Variants in ADGRB3 observed in about 807,000 individuals in gnomAD.
ADGRB3 encodes the protein adhesion G protein-coupled receptor B3, also known as brain-specific angiogenesis inhibitor 3.
ADGRB3 carries 37 observed loss-of-function variants against 193.4 expected under a neutral mutation model. That is an observed-to-expected ratio of 0.19 (90% CI 0.15 to 0.25). The LOEUF (loss-of-function observed/expected upper bound fraction) is 0.25. Among genes scored for constraint, ADGRB3 ranks in the 10% least tolerant of loss-of-function variants. ADGRB3 has a pLI of 1.00. For synonymous variants in ADGRB3, 690 were observed against 644.2 expected, an observed-to-expected ratio of 1.07 and a Z score of -1.08; for missense variants, 1,637 against 1,852.9, an observed-to-expected ratio of 0.88 and a Z score of 2.14.
At chr6:68,668,191 G>A (rs1768847755) in intron 3 of ADGRB3, among the ~76,000 whole-genome samples, 1 of 151,944 alleles carries the variant, frequency 6.6e-6, no homozygotes, top group South Asian at 2.1e-4. Context: ...CTTTTCATAA[G>A]CATCAATAGT....
In ADGRB3 at chr6:68,650,467, G is replaced by A. The variant is rs546119870; in HGVS notation, c.757+11035G>A. On this transcript the variant is annotated intron_variant, in intron 3 of 31. Transcript: ENST00000370598. ...ATTTGCACTGCCCTAGATGTTCAAA[G>A]AAATTTGTGTGAGCTGACAAAAACA... 1.6e-4 allele frequency among the ~76,000 whole-genome samples: 24 copies of A among 152,014 alleles called. No homozygotes were observed. In the South Asian group the frequency reaches 5.0e-3, roughly 32 times the overall value.
At chr6:69,363,117 G>GAC (rs1295523559) in intron 29 of ADGRB3, among the ~76,000 whole-genome samples, 2 of 151,862 alleles carry the variant, frequency 1.3e-5, no homozygotes, top group Middle Eastern at 3.2e-3. Context: ...TTGAACAATA[G>GAC]ACTGTATTTC....
intron 17 of ADGRB3, among the ~76,000 whole-genome samples, chr6:69,210,610 C>T (rs1045936639): frequency 6.6e-6 from 1 of 152,120 alleles, no homozygotes; most frequent in African/African-American, 2.4e-5. Context: ...TCTAAAACTC[C>T]TAGGCTCAAG....
chr6:68,871,829 CAAATT>C (rs1165343317), intron 3 of ADGRB3, among the ~76,000 whole-genome samples: 3 of 152,034 alleles, frequency 2.0e-5, no homozygotes, highest in Non-Finnish European at 4.4e-5. Context: ...ATCCTCTAAT[CAAATT>C]AAATGTTTTA....
intron 3 of ADGRB3, among the ~76,000 whole-genome samples, chr6:68,807,215 C>CTTTTTCT (rs1190718299): frequency 2.3e-5 from 3 of 132,416 alleles, no homozygotes; most frequent in South Asian, 5.1e-4. Flanking sequence ...GTTAATTTTT[C>CTTTTTCT]TTTTTCTTTT....
At chr6:69,039,545 A>C (rs1000698820) in intron 13 of ADGRB3, among the ~76,000 whole-genome samples, 9 of 152,250 alleles carry the variant, frequency 5.9e-5, no homozygotes, top group Non-Finnish European at 1.0e-4. Flanking sequence ...CCATTGTAGC[A>C]TGAAAGTAGA....
At chr6:69,034,238 CT>C (rs1226226274) in intron 13 of ADGRB3, among the ~76,000 whole-genome samples, 1 of 151,774 alleles carries the variant, frequency 6.6e-6, no homozygotes, top group African/African-American at 2.4e-5. Flanking sequence ...ACATAGTCAC[CT>C]TTTGCTTTTT....
At chr6:68,705,689 G>C (rs1197500366) in intron 3 of ADGRB3, among the ~76,000 whole-genome samples, 1 of 152,164 alleles carries the variant, frequency 6.6e-6, no homozygotes, top group African/African-American at 2.4e-5. Flanking sequence ...AACATTCAGG[G>C]ACTAGCGCTG....
intron 3 of ADGRB3, among the ~76,000 whole-genome samples, chr6:68,751,759 A>G (rs541331848): frequency 2.0e-5 from 3 of 152,288 alleles, no homozygotes; most frequent in East Asian, 3.9e-4. Flanking sequence ...TGCTAAAAAA[A>G]TCCTGTTTCA....
At chr6:69,355,974 G>A in intron 28 of ADGRB3, 114 bp downstream of exon 28, 1 of 859,004 alleles carries the variant, frequency 1.2e-6, no homozygotes, top group Non-Finnish European at 1.8e-6. Context: ...TCTGTGAAAG[G>A]GCTGTATATG....
At chr6:68,934,603 A>T (rs1432499515) in intron 4 of ADGRB3, among the ~76,000 whole-genome samples, 1 of 152,168 alleles carries the variant, frequency 6.6e-6, no homozygotes, top group African/African-American at 2.4e-5. Flanking sequence ...CAACCATAAT[A>T]TTTATACCTC....
At chr6:68,849,674 C>T (rs1204091871) in intron 3 of ADGRB3, among the ~76,000 whole-genome samples, 1 of 151,936 alleles carries the variant, frequency 6.6e-6, no homozygotes, top group East Asian at 1.9e-4. Flanking sequence ...GACACTATCT[C>T]ACCCAAGTCT....
chr6:68,753,418 C>G (rs994504726), intron 3 of ADGRB3, among the ~76,000 whole-genome samples: 7 of 152,152 alleles, frequency 4.6e-5, no homozygotes, highest in Non-Finnish European at 1.0e-4. Flanking sequence ...ATCAGATTGA[C>G]AAGGGAGGCA....
Position 68,956,636 on chromosome 6 carries a change from T to C in ADGRB3, c.1361-9T>C. Reference sequence around the variant, plus strand: ...ATGACTGACATTGACCATGAAACATTTCTTTCAGCCAATGGTCAATGGAAT... The same window carrying C: ...ATGACTGACATTGACCATGAAACATCTCTTTCAGCCAATGGTCAATGGAAT... On this transcript the variant is annotated splice_polypyrimidine_tract_variant and intron_variant, in intron 7 of 31. Coordinates refer to ENST00000370598, the MANE Select transcript of ADGRB3 (RefSeq NM_001704.3). 6.2e-7 allele frequency: 1 copy of C among 1,613,716 alleles called. No individual in the cohort carries two copies. Among genetic ancestry groups the C allele is most frequent in the East Asian group, 2.2e-5 (1 of 44,844 alleles).
Position 69,339,453 on chromosome 6 carries a change from T to C in ADGRB3, c.3408T>C (p.Asp1136=). The C allele has an allele frequency of 1.9e-6, 3 of 1,614,024 alleles. No homozygotes were observed. The highest frequency in any genetic ancestry group is 2.5e-6 in the Non-Finnish European group (3 of 1,179,896). The part of the protein sequence containing the change: ...ILFQILFAVF[D]SLQGFVIVMV... Reference sequence around the variant, plus strand: ...TTCAAATACTTTTTGCTGTGTTTGATTCATTGCAAGGCTTTGTTATAGTCA... The same window carrying C: ...TTCAAATACTTTTTGCTGTGTTTGACTCATTGCAAGGCTTTGTTATAGTCA... Residue 1136 remains aspartate (D), a synonymous_variant, in exon 26 of 32, where the codon GAT becomes GAC. Transcript: ENST00000370598.
chr6:68,975,304 A>T lies in ADGRB3; in HGVS notation c.1698A>T (p.Arg566Ser), dbSNP rs1351262886. The change falls in exon 10 of 32, where the codon AGA becomes AGT. Residue 566 changes from arginine (R) to serine (S), a missense_variant. This residue lies in a region of ADGRB3 where 641 missense variants were observed against 673.9 expected (regional missense o/e 0.95). Transcript: ENST00000370598. ...TCTGGGAACAGCCGAGCTTTGCAAG[A>T]TGCATATCAAATGAGTACAGACACT... ...VAFWEQPSFA[R>S]CISNEYRHLQ... 1 of 1,614,078 alleles carries T rather than the reference A, an allele frequency of 6.2e-7. No individual in the cohort carries two copies. Among genetic ancestry groups the T allele is most frequent in the Non-Finnish European group, 8.5e-7 (1 of 1,179,946 alleles).
At chr6:68,784,340 A>G (rs1252959756) in intron 3 of ADGRB3, among the ~76,000 whole-genome samples, 2 of 152,124 alleles carry the variant, frequency 1.3e-5, no homozygotes, top group Non-Finnish European at 1.5e-5. Flanking sequence ...AAGCGATACC[A>G]GTGTTACTTT....
rs902034695 is a variant in ADGRB3 at position 69,205,520 on chromosome 6, C to A, written c.2481-27770C>A. Among the ~76,000 whole-genome samples the A allele has an allele frequency of 1.1e-4, 17 of 151,834 alleles. 1 individual carries two copies. Among genetic ancestry groups the A allele is most frequent in the Non-Finnish European group, 4.4e-5 (3 of 68,014 alleles). ...TATACCTACATCAGAATACCACAGA[C>A]TGGGTGATTTATAAATAAAAGATGT... On this transcript the variant is annotated intron_variant, in intron 17 of 31. Coordinates refer to ENST00000370598, the MANE Select transcript of ADGRB3 (RefSeq NM_001704.3).
chr6:68,664,844 G>A (rs1768759757), intron 3 of ADGRB3, among the ~76,000 whole-genome samples: 1 of 151,854 alleles, frequency 6.6e-6, no homozygotes, highest in South Asian at 2.1e-4. Flanking sequence ...GGAGGGTGAA[G>A]GGGGCTTTTG....
Sources: gnomAD v4.1 joint callset for allele counts (sites outside exome capture counted in the v4.1 genomes callset) on GRCh38, gnomAD v4.1.1 for gene constraint, gnomAD v4.1.1 regional missense constraint, MANE v1.5 for transcripts, NCBI Gene and HGNC (gene_info 2026-07-23, HGNC 2026-07-21) for gene names.